The following PDE1A variants were observed in gnomAD, a reference collection of about 807,000 sequenced individuals.
The protein encoded by PDE1A is phosphodiesterase 1A, also known as dual specificity calcium/calmodulin-dependent 3',5'-cyclic nucleotide phosphodiesterase 1A.
PDE1A carries 35 observed loss-of-function variants against 61.7 expected under a neutral mutation model. The observed-to-expected ratio is 0.57, with a 90% confidence interval of 0.43 to 0.75. The LOEUF (loss-of-function observed/expected upper bound fraction) is 0.75. Among genes scored for constraint, PDE1A ranks in the 30% least tolerant of loss-of-function variants. The pLI, the probability that PDE1A is intolerant of heterozygous loss-of-function variation, is 0.00. For synonymous variants in PDE1A, 232 were observed against 213.2 expected (o/e 1.09, Z -0.77); for missense variants, 597 against 630.6 (o/e 0.95, Z 0.57).
At chr2:182,376,777 T>C (rs13384332) in intron 1 of PDE1A, among the ~76,000 whole-genome samples, 1,759 of 152,284 alleles carry the variant, frequency 0.012, 38 homozygotes, top group African/African-American at 0.039. Context: ...TAATTGGAGT[T>C]ACAGTTCCAT....
At chr2:182,272,365 A>C (rs1261685301) in intron 1 of PDE1A, among the ~76,000 whole-genome samples, 1 of 152,152 alleles carries the variant, frequency 6.6e-6, no homozygotes, top group African/African-American at 2.4e-5. Flanking sequence ...TGAGCAAGAA[A>C]CTGCATATTT....
In PDE1A at chr2:182,389,547, A is replaced by C. The variant is rs148071356; in HGVS notation, c.53+37031T>G. ...TGCAAATTAAAACCAAATAACATGC[A>C]ATAAATAAAATAAAACCAAATAAAA... On this transcript the variant is annotated intron_variant, in intron 1 of 13. Coordinates refer to ENST00000351439, the Ensembl canonical transcript of PDE1A. 7.5e-3 allele frequency among the ~76,000 whole-genome samples: 1,144 copies of C among 152,344 alleles called. 30 individuals are homozygous for C. Among genetic ancestry groups the C allele is most frequent in the Admixed American group, 0.042 (636 of 15,298 alleles).
At chr2:182,164,813 G>T (rs1008404339), downstream of PDE1A, among the ~76,000 whole-genome samples, 1 of 152,074 alleles carries the variant, frequency 6.6e-6, no homozygotes, top group African/African-American at 2.4e-5. Context: ...GTCCTTACTG[G>T]CATAGACACT....
chr2:182,186,413 AGT>A, intron 12 of PDE1A, 53 bp downstream of exon 12: 1 of 1,563,488 alleles, frequency 6.4e-7, no homozygotes, highest in South Asian at 1.2e-5. Flanking sequence ...CATTAAGGAA[AGT>A]GTTACTAAAC....
chr2:182,362,213 A>T (rs1699552079), intron 1 of PDE1A, among the ~76,000 whole-genome samples: 1 of 152,046 alleles, frequency 6.6e-6, no homozygotes. Context: ...CCAGAAGACC[A>T]ATGAAATTAT....
intron 2 of PDE1A, among the ~76,000 whole-genome samples, chr2:182,260,275 G>A (rs192633232): frequency 4.6e-5 from 7 of 152,200 alleles, no homozygotes; most frequent in Admixed American, 1.3e-4. Context: ...GAATACTCAC[G>A]GCATCGAATT....
intron 2 of PDE1A, among the ~76,000 whole-genome samples, chr2:182,449,724 G>C (rs922122743): frequency 2.6e-5 from 4 of 151,898 alleles, no homozygotes; most frequent in African/African-American, 9.7e-5. Context: ...ATGTGAAAAA[G>C]ACCCATATTT....
At chr2:182,349,346 C>T (rs1698716344) in intron 1 of PDE1A, among the ~76,000 whole-genome samples, 3 of 152,160 alleles carry the variant, frequency 2.0e-5, no homozygotes, top group Non-Finnish European at 2.9e-5. Flanking sequence ...CCAACTGTGC[C>T]AGCATAGGTC....
chr2:182,453,082 A>T (rs1294750844), intron 2 of PDE1A, among the ~76,000 whole-genome samples: 1 of 152,136 alleles, frequency 6.6e-6, no homozygotes, highest in African/African-American at 2.4e-5. Flanking sequence ...CATTACTGAG[A>T]CTATTTTTTC....
the PDE1A span, among the ~76,000 whole-genome samples, chr2:182,552,247 T>C: frequency 6.6e-6 from 1 of 152,002 alleles, no homozygotes; most frequent in Non-Finnish European, 1.5e-5. Flanking sequence ...TTTCCAGGGC[T>C]CTCAAAAACA....
intron 1 of PDE1A, among the ~76,000 whole-genome samples, chr2:182,416,489 A>C (rs1384508632): frequency 6.6e-6 from 1 of 152,156 alleles, no homozygotes; most frequent in Non-Finnish European, 1.5e-5. Flanking sequence ...TTTTAAACTC[A>C]CATCATCACA....
rs892272350 is a variant in PDE1A at position 182,267,520 on chromosome 2, G to T, written c.54-3106C>A. On this transcript the variant is annotated intron_variant, in intron 1 of 13. Transcript: ENST00000351439. ...AGAAATGTATATTGGGGGGTTACTA[G>T]GACTCGTTTTTTCTCCTTTGCTTCT... is the stretch of plus-strand genomic sequence containing the variant. 4.0e-5 allele frequency among the ~76,000 whole-genome samples: 6 copies of T among 151,562 alleles called. No individual in the cohort carries two copies. The East Asian group carries it at 1.2e-3, about 29-fold the overall frequency.
At chr2:182,375,523 C>T (rs1337766893) in intron 1 of PDE1A, among the ~76,000 whole-genome samples, 1 of 152,240 alleles carries the variant, frequency 6.6e-6, no homozygotes, top group Non-Finnish European at 1.5e-5. Flanking sequence ...CCTTGGGCAG[C>T]TCCACCCCTG....
chr2:182,310,624 C>A (rs1354936580), intron 1 of PDE1A, among the ~76,000 whole-genome samples: 1 of 152,132 alleles, frequency 6.6e-6, no homozygotes, highest in East Asian at 1.9e-4. Flanking sequence ...CCCCCAAAGA[C>A]AATATAATTG....
At chr2:182,510,252 T>C (rs990867328) in intron 2 of PDE1A, among the ~76,000 whole-genome samples, 5 of 152,216 alleles carry the variant, frequency 3.3e-5, no homozygotes, top group African/African-American at 1.2e-4. Flanking sequence ...TTCATATATA[T>C]GCTTCTAATG....
chr2:182,302,406 G>T (rs756433083), intron 1 of PDE1A, among the ~76,000 whole-genome samples: 1 of 152,198 alleles, frequency 6.6e-6, no homozygotes, highest in African/African-American at 2.4e-5. Context: ...ACATATAAAA[G>T]TTATGTTTGT....
At chr2:182,543,757 C>T in the PDE1A span, among the ~76,000 whole-genome samples, 13 of 151,790 alleles carry the variant, frequency 8.6e-5, no homozygotes, top group Non-Finnish European at 1.5e-4. Context: ...TCCAGATACT[C>T]GTGAAAAATT....
At chr2:182,564,943 T>C in the PDE1A span, among the ~76,000 whole-genome samples, 79 of 152,208 alleles carry the variant, frequency 5.2e-4, no homozygotes, top group Non-Finnish European at 1.1e-3. Context: ...TTATTCTAGT[T>C]ATACATTCGT....
intron 1 of PDE1A, among the ~76,000 whole-genome samples, chr2:182,412,861 A>G (rs948870067): frequency 6.6e-6 from 1 of 152,202 alleles, no homozygotes; most frequent in African/African-American, 2.4e-5. Context: ...ATTACTGAGA[A>G]ATATACTCAG....
Sources: allele counts gnomAD v4.1 joint callset (sites outside exome capture counted in the v4.1 genomes callset), GRCh38; gene constraint gnomAD v4.1.1; transcripts MANE v1.5; gene names NCBI Gene and HGNC (gene_info 2026-07-23, HGNC 2026-07-21).